KPNA5: variants seen among roughly 807,000 people sequenced by gnomAD.
KPNA5 encodes importin subunit alpha-6.
KPNA5 carries 46 observed loss-of-function variants against 71.3 expected under a neutral mutation model. That is an observed-to-expected ratio of 0.65 (90% CI 0.51 to 0.83). The LOEUF is 0.83. KPNA5 is among the 40% of genes least tolerant of loss of function. The pLI is 0.00. For synonymous variants in KPNA5, 207 were observed against 201.4 expected (o/e 1.03, Z -0.24); for missense variants, 547 against 628.3 (o/e 0.87, Z 1.38).
Position 116,732,074 on chromosome 6 carries a change from T to A in KPNA5, c.1433-62T>A, listed in dbSNP as rs868517256. The A allele has an allele frequency of 5.5e-3, 375 of 67,592 alleles. 7 individuals are homozygous for A. Among genetic ancestry groups the A allele is most frequent in the Middle Eastern group, 0.026 (3 of 116 alleles). 4.2% of individuals were successfully genotyped at this position (67,592 alleles called of 1,614,324 possible). ...TACTGAAATTGTAGTAACAGTTTGTTTATATATATATATATATATATATAT... is the reference window on the plus strand; with the variant it reads ...TACTGAAATTGTAGTAACAGTTTGTATATATATATATATATATATATATAT... On this transcript the variant is annotated intron_variant, in intron 13 of 13. Coordinates refer to ENST00000368564, the MANE Select transcript of KPNA5 (RefSeq NM_001366306.2).
intron 6 of KPNA5, among the ~76,000 whole-genome samples, chr6:116,702,446 G>A (rs995022311): frequency 5.3e-5 from 8 of 152,170 alleles, no homozygotes; most frequent in Non-Finnish European, 8.8e-5. Flanking sequence ...ACTTGGGAAA[G>A]CTGAGGCAAG....
In KPNA5 at chr6:116,741,573, A is replaced by G. The variant is rs1779873145; in HGVS notation, c.*9250A>G. On this transcript the variant is annotated 3_prime_UTR_variant, in exon 14 of 14. Transcript: ENST00000368564. ...ATATTATGCCAAGAGGAAAAATATC[A>G]TGATCATATTGAAAGATCAAGCATG... The G allele has an allele frequency of 6.5e-6, 1 of 152,930 alleles. No homozygotes were observed. Among genetic ancestry groups the G allele is most frequent in the Admixed American group, 6.6e-5 (1 of 15,242 alleles). The allele number at this position is 152,930 out of a possible 1,614,324, so 9.5% of individuals were successfully genotyped here.
At chr6:116,706,617 AGGTGGAGGT>A (rs1408393070) in intron 7 of KPNA5, among the ~76,000 whole-genome samples, 1 of 152,112 alleles carries the variant, frequency 6.6e-6, no homozygotes, top group Non-Finnish European at 1.5e-5. Flanking sequence ...TGTACCCAGG[AGGTGGAGGT>A]TGTGGTGACC....
At position 116,740,635 on chromosome 6, in the gene KPNA5, A is replaced by G. The variant is rs533309760; in HGVS notation, c.*8312A>G. 1 of 152,308 alleles carries G rather than the reference A, an allele frequency of 6.6e-6. No individual in the cohort carries two copies. The highest frequency in any genetic ancestry group is 1.9e-4 in the East Asian group (1 of 5,186). The allele number at this position is 152,308 out of a possible 1,614,324, so 9.4% of individuals were successfully genotyped here. A position where few individuals can be genotyped will look rare whatever the true frequency, so the allele number is the denominator to read the frequency against. ...ATAGACTGGATTAAGAAAATGTGGC[A>G]CATATACACCATGGAATACTATGCA... On this transcript the variant is annotated 3_prime_UTR_variant, in exon 14 of 14. Coordinates refer to ENST00000368564, the MANE Select transcript of KPNA5 (RefSeq NM_001366306.2).
intron 1 of KPNA5, among the ~76,000 whole-genome samples, chr6:116,687,498 A>T (rs577281902): frequency 1.9e-4 from 29 of 152,338 alleles, no homozygotes; most frequent in African/African-American, 6.7e-4. Flanking sequence ...TGTTAAATTC[A>T]TAGAAATGTA....
intron 6 of KPNA5, among the ~76,000 whole-genome samples, chr6:116,703,594 T>C (rs1301422903): frequency 6.6e-6 from 1 of 152,152 alleles, no homozygotes; most frequent in African/African-American, 2.4e-5. Flanking sequence ...TCTTACTATG[T>C]ATTTCAAAGT....
chr6:116,682,706 A>G (rs1367022896), intron 1 of KPNA5, among the ~76,000 whole-genome samples: 1 of 152,232 alleles, frequency 6.6e-6, no homozygotes, highest in East Asian at 1.9e-4. Flanking sequence ...GGTTTTTCTA[A>G]GAGCCGTTGA....
Position 116,682,165 on chromosome 6 carries a change from C to CA in KPNA5, c.4+834dup, listed in dbSNP as rs939100520. On this transcript the variant is annotated intron_variant, in intron 1 of 13. Transcript: ENST00000368564. ...AAATACAAAAAAAATACCAAAAATACAAAAAAAGGAAAAATTAGCCTGGCA... is the reference window on the plus strand; with the variant it reads ...AAATACAAAAAAAATACCAAAAATACAAAAAAAAGGAAAAATTAGCCTGGCA... Among the ~76,000 whole-genome samples, 3 of 151,702 alleles carry CA rather than the reference C, an allele frequency of 2.0e-5. No individual in the cohort carries two copies. In the South Asian group the frequency reaches 6.3e-4, roughly 32 times the overall value.
intron 10 of KPNA5, among the ~76,000 whole-genome samples, chr6:116,725,205 T>C (rs2114493293): frequency 6.6e-6 from 1 of 152,338 alleles, no homozygotes; most frequent in African/African-American, 2.4e-5. Flanking sequence ...GAATTTAATG[T>C]AAATCATTGG....
intron 9 of KPNA5, among the ~76,000 whole-genome samples, chr6:116,723,701 A>G: frequency 6.6e-6 from 1 of 152,216 alleles, no homozygotes; most frequent in East Asian, 1.9e-4. Context: ...GAAATACATC[A>G]CTGGTAATAA....
In KPNA5 at chr6:116,732,534, T is replaced by G; in HGVS notation, c.*211T>G. ...TTAGTTTTGTTGTTGTGCCTGTATT[T>G]ATATCTTCTATTGTTTGGATTTTTG... is the stretch of plus-strand genomic sequence containing the variant. On this transcript the variant is annotated 3_prime_UTR_variant, in exon 14 of 14. Coordinates refer to ENST00000368564, the MANE Select transcript of KPNA5 (RefSeq NM_001366306.2). The G allele has an allele frequency of 3.9e-6, 1 of 259,194 alleles. No individual in the cohort carries two copies. Among genetic ancestry groups the G allele is most frequent in the Non-Finnish European group, 7.3e-6 (1 of 136,248 alleles). 16.1% of individuals were successfully genotyped at this position (259,194 alleles called of 1,614,324 possible).
chr6:116,719,276 T>C (rs977784271), intron 8 of KPNA5, among the ~76,000 whole-genome samples: 3 of 152,160 alleles, frequency 2.0e-5, no homozygotes, highest in Non-Finnish European at 4.4e-5. Flanking sequence ...GTTTTGTTTG[T>C]GGTTTGTCTT....
Position 116,738,916 on chromosome 6 carries a change from G to T in KPNA5, c.*6593G>T, listed in dbSNP as rs1200054423. On this transcript the variant is annotated 3_prime_UTR_variant, in exon 14 of 14. Transcript: ENST00000368564. ...TATCATACTGAATGGGCAAAAACTGGAAGCATTCCCTTTGAAAACTGGCAC... is the reference window on the plus strand; with the variant it reads ...TATCATACTGAATGGGCAAAAACTGTAAGCATTCCCTTTGAAAACTGGCAC... The T allele has an allele frequency of 1.3e-5, 2 of 151,554 alleles. No homozygotes were observed. The highest frequency in any genetic ancestry group is 4.8e-5 in the African/African-American group (2 of 41,272). The allele number at this position is 151,554 out of a possible 1,614,324, so 9.4% of individuals were successfully genotyped here. A position where few individuals can be genotyped will look rare whatever the true frequency, so the allele number is the denominator to read the frequency against.
At chr6:116,705,586 A>C (rs1778409527) in intron 7 of KPNA5, among the ~76,000 whole-genome samples, 1 of 152,150 alleles carries the variant, frequency 6.6e-6, no homozygotes, top group Non-Finnish European at 1.5e-5. Flanking sequence ...TTTTACTTCA[A>C]GTGATTTATC....
At chr6:116,712,013 G>A (rs1253591329) in intron 7 of KPNA5, among the ~76,000 whole-genome samples, 6 of 152,086 alleles carry the variant, frequency 3.9e-5, no homozygotes, top group Admixed American at 2.6e-4. Context: ...GTGCAGCCTC[G>A]GCTCATTGAA....
chr6:116,732,328 C>A lies in KPNA5; in HGVS notation c.*5C>A. The A allele has an allele frequency of 1.4e-6, 2 of 1,474,090 alleles. No homozygotes were observed. Among genetic ancestry groups the A allele is most frequent in the Non-Finnish European group, 1.8e-6 (2 of 1,107,716 alleles). 91.3% of individuals were successfully genotyped at this position (1,474,090 alleles called of 1,614,324 possible). ...ATGGATGGATTTCAACTTTAACTTACTGGAGGAAAAAAAATTTATGGCTAA... is the reference window on the plus strand; with the variant it reads ...ATGGATGGATTTCAACTTTAACTTAATGGAGGAAAAAAAATTTATGGCTAA... On this transcript the variant is annotated 3_prime_UTR_variant, in exon 14 of 14. Coordinates refer to ENST00000368564, the MANE Select transcript of KPNA5 (RefSeq NM_001366306.2).
intron 1 of KPNA5, among the ~76,000 whole-genome samples, chr6:116,686,165 G>A (rs555675382): frequency 2.9e-4 from 44 of 152,044 alleles, no homozygotes; most frequent in African/African-American, 8.7e-4. Flanking sequence ...TCTGCCTCCC[G>A]CCTCTGCCTC....
rs1779825407 is a variant in KPNA5 at position 116,740,317 on chromosome 6, T to A, written c.*7994T>A. ...AGATACCATCTCACACCAGTCAGAATGGCAATCATTAAAAAGTCAGGAAAC... is the reference window on the plus strand; with the variant it reads ...AGATACCATCTCACACCAGTCAGAAAGGCAATCATTAAAAAGTCAGGAAAC... On this transcript the variant is annotated 3_prime_UTR_variant, in exon 14 of 14. Transcript: ENST00000368564. 5 of 152,148 alleles carry A rather than the reference T, an allele frequency of 3.3e-5. No homozygotes were observed. In the South Asian group the frequency reaches 1.0e-3, roughly 32 times the overall value. The allele number at this position is 152,148 out of a possible 1,614,324, so 9.4% of individuals were successfully genotyped here.
chr6:116,683,660 A>G (rs575665648), intron 1 of KPNA5, among the ~76,000 whole-genome samples: 1 of 151,938 alleles, frequency 6.6e-6, no homozygotes, highest in East Asian at 1.9e-4. Context: ...GCTCACTGCA[A>G]GTTCCGCCTC....
Sources: gnomAD v4.1 joint callset for allele counts (sites outside exome capture counted in the v4.1 genomes callset) on GRCh38, gnomAD v4.1.1 for gene constraint, MANE v1.5 for transcripts, NCBI Gene and HGNC (gene_info 2026-07-23, HGNC 2026-07-21) for gene names.